The following ADGRF5 variants were observed in gnomAD, a reference collection of about 807,000 sequenced individuals.
ADGRF5 encodes the protein adhesion G protein-coupled receptor F5.
Under a neutral mutation model 132.3 loss-of-function variants are expected in ADGRF5, and 75 were observed. That is an observed-to-expected ratio of 0.57 (90% confidence interval 0.47 to 0.69). ADGRF5 has a LOEUF of 0.69. Among genes scored for constraint, ADGRF5 ranks in the 30% least tolerant of loss-of-function variants. The pLI, the probability that ADGRF5 is intolerant of heterozygous loss-of-function variation, is 0.00. For synonymous variants in ADGRF5, 629 were observed against 597.6 expected, an observed-to-expected ratio of 1.05 and a Z score of -0.77; for missense variants, 1,516 against 1,630.6, an observed-to-expected ratio of 0.93 and a Z score of 1.21.
intron 1 of ADGRF5, among the ~76,000 whole-genome samples, chr6:46,929,504 A>AAAAATG (rs1461094966): frequency 6.0e-5 from 8 of 132,440 alleles, no homozygotes; most frequent in African/African-American, 2.0e-4. Flanking sequence ...ATAATAAAAT[A>AAAAATG]AAAATAAAAA....
chr6:46,934,626 C>T (rs907476412), intron 1 of ADGRF5, among the ~76,000 whole-genome samples: 1 of 152,154 alleles, frequency 6.6e-6, no homozygotes, highest in Non-Finnish European at 1.5e-5. Context: ...TCTTTACAAA[C>T]ACCATGCTAA....
At chr6:46,854,185 C>T (rs752318135) in intron 20 of ADGRF5, 114 bp from the exon 21 acceptor site, 3 of 686,746 alleles carry the variant, frequency 4.4e-6, no homozygotes, top group Non-Finnish European at 7.1e-6. Flanking sequence ...GTAAGCTCGG[C>T]CATGCCTGGA....
intron 1 of ADGRF5, among the ~76,000 whole-genome samples, chr6:46,916,392 T>C (rs1387878352): frequency 2.0e-5 from 3 of 152,190 alleles, no homozygotes; most frequent in Non-Finnish European, 4.4e-5. Context: ...CTTCATTGTT[T>C]CCTAGGCTCA....
intron 4 of ADGRF5, among the ~76,000 whole-genome samples, chr6:46,885,406 A>G (rs1772964845): frequency 6.6e-6 from 1 of 152,182 alleles, no homozygotes; most frequent in Non-Finnish European, 1.5e-5. Context: ...TAATAAGAGA[A>G]CTAAACTTTT....
chr6:46,872,971 G>A (rs939680523), intron 10 of ADGRF5, among the ~76,000 whole-genome samples: 8 of 152,134 alleles, frequency 5.3e-5, no homozygotes, highest in African/African-American at 1.7e-4. Context: ...CAGAAAGGTT[G>A]TTTGAAACAC....
At chr6:46,870,627 G>T (rs891973075) in intron 11 of ADGRF5, among the ~76,000 whole-genome samples, 4 of 152,042 alleles carry the variant, frequency 2.6e-5, no homozygotes, top group Middle Eastern at 3.2e-3. Flanking sequence ...GCTCTCTAAG[G>T]CTTAGCTATT....
intron 10 of ADGRF5, among the ~76,000 whole-genome samples, chr6:46,875,132 A>G (rs1221996012): frequency 6.6e-6 from 1 of 152,238 alleles, no homozygotes; most frequent in Non-Finnish European, 1.5e-5. Flanking sequence ...GGTCTTGTTC[A>G]GAGAACAATA....
intron 1 of ADGRF5, among the ~76,000 whole-genome samples, chr6:46,921,228 G>C (rs1462203956): frequency 6.6e-6 from 1 of 152,106 alleles, no homozygotes; most frequent in Admixed American, 6.5e-5. Flanking sequence ...TTGTCCTTTG[G>C]AAGGACTCTC....
At chr6:46,948,559 T>C (rs575466683) in intron 1 of ADGRF5, among the ~76,000 whole-genome samples, 1 of 151,984 alleles carries the variant, frequency 6.6e-6, no homozygotes, top group East Asian at 1.9e-4. Flanking sequence ...ATTTATGGCT[T>C]TTTTAAAACA....
chr6:46,897,595 G>A (rs138102210), intron 3 of ADGRF5, among the ~76,000 whole-genome samples: 42 of 152,040 alleles, frequency 2.8e-4, no homozygotes, highest in Middle Eastern at 3.4e-3. Context: ...TTCTCTTTGA[G>A]ATGGAGTCTC....
intron 1 of ADGRF5, among the ~76,000 whole-genome samples, chr6:46,907,556 C>T (rs966571619): frequency 6.6e-6 from 1 of 151,898 alleles, no homozygotes; most frequent in South Asian, 2.1e-4. Context: ...ATGAAAATAG[C>T]TTTTTGGTGA....
At chr6:46,860,148 C>T (rs895720313) in intron 16 of ADGRF5, among the ~76,000 whole-genome samples, 2 of 152,162 alleles carry the variant, frequency 1.3e-5, no homozygotes, top group Non-Finnish European at 2.9e-5. Flanking sequence ...GTCTTCAGCT[C>T]TCACTGGGCT....
chr6:46,909,427 G>A (rs1775716030), intron 1 of ADGRF5, among the ~76,000 whole-genome samples: 7 of 152,322 alleles, frequency 4.6e-5, no homozygotes, highest in Middle Eastern at 3.4e-3. Flanking sequence ...TATTAGCCTT[G>A]CGGCTCTGAG....
intron 1 of ADGRF5, among the ~76,000 whole-genome samples, chr6:46,941,451 GAAAAGAAAAGAAAAGAAAGAA>G (rs1778077369): frequency 2.3e-5 from 1 of 42,702 alleles, no homozygotes; most frequent in East Asian, 9.5e-4. Flanking sequence ...GAAAAGAAAA[GAAAAGAAAAGAAAAGAAAGAA>G]AAGAAAAGAA....
intron 1 of ADGRF5, among the ~76,000 whole-genome samples, chr6:46,953,649 GTGTATATATATATATATATATATATA>G (rs1778588044): frequency 3.3e-5 from 3 of 91,494 alleles, no homozygotes; most frequent in Admixed American, 1.2e-4. Flanking sequence ...ATAGATATAT[GTGTATATATATATATATATATATATA>G]TATATATATA....
chr6:46,884,081 G>A lies in ADGRF5; in HGVS notation c.505+14C>T, dbSNP rs1279522086. 1.2e-6 allele frequency: 2 copies of A among 1,606,604 alleles called. No individual in the cohort carries two copies. The highest frequency in any genetic ancestry group is 3.3e-5 in the Admixed American group (2 of 59,724). On this transcript the variant is annotated intron_variant, in intron 5 of 20. Coordinates refer to ENST00000283296, the MANE Select transcript of ADGRF5 (RefSeq NM_001098518.2). ...AATAGCCACTCAACGAGCATTTAAT[G>A]AGCAGTTACTTACCTTCCTGAAGCA...
intron 6 of ADGRF5, 136 bp downstream of exon 6, chr6:46,883,423 C>T: frequency 1.6e-6 from 1 of 627,206 alleles, no homozygotes; most frequent in South Asian, 2.0e-5. Context: ...ATTAATTCAC[C>T]ATCTCAGATG....
chr6:46,860,686 A>G, intron 16 of ADGRF5, 29 bp downstream of exon 16: 1 of 1,577,348 alleles, frequency 6.3e-7, no homozygotes, highest in South Asian at 1.1e-5. Flanking sequence ...GTAAGACCCA[A>G]AACTCCTGCA....
intron 10 of ADGRF5, among the ~76,000 whole-genome samples, chr6:46,872,717 G>A (rs560060003): frequency 6.6e-6 from 1 of 151,754 alleles, no homozygotes; most frequent in African/African-American, 2.4e-5. Flanking sequence ...CTATTGCCTC[G>A]GGTTCTACAA....
Sources: allele counts gnomAD v4.1 joint callset (sites outside exome capture counted in the v4.1 genomes callset), GRCh38; gene constraint gnomAD v4.1.1; transcripts MANE v1.5; gene names NCBI Gene and HGNC (gene_info 2026-07-23, HGNC 2026-07-21).